The following SYNE1 variants were observed in gnomAD, a reference collection of about 807,000 sequenced individuals.
SYNE1 encodes the protein nesprin-1.
A neutral mutation model predicts 1,111.0 loss-of-function variants in SYNE1; 616 were observed. That is an observed-to-expected ratio of 0.55 (90% CI 0.52 to 0.59). The LOEUF (loss-of-function observed/expected upper bound fraction) is 0.59, where lower values mean the gene tolerates loss of function less well. Among genes scored for constraint, SYNE1 ranks in the 20% least tolerant of loss-of-function variants. The probability of loss-of-function intolerance (pLI) is 0.00; values close to 1 mark genes in which losing one functional copy is unlikely to be tolerated. For missense variants in SYNE1, 10,006 were observed against 10,417.0 expected (o/e 0.96, Z 1.72); for synonymous variants, 3,855 against 3,825.8 (o/e 1.01, Z -0.28).
intron 75 of SYNE1, among the ~76,000 whole-genome samples, chr6:152,338,332 C>G (rs538147882): frequency 6.6e-6 from 1 of 151,982 alleles, no homozygotes; most frequent in Non-Finnish European, 1.5e-5. Context: ...CTTTTAAACT[C>G]AAGTGTGGGC....
At chr6:152,278,635 T>G (rs1308890387) in intron 97 of SYNE1, among the ~76,000 whole-genome samples, 1 of 152,070 alleles carries the variant, frequency 6.6e-6, no homozygotes, top group African/African-American at 2.4e-5. Context: ...GCTACTGTTT[T>G]GTTTTTTAGT....
rs1466284124 is a variant in SYNE1, at chr6:152,447,895, A to T, written c.3505-273T>A. 1.8e-4 allele frequency among the ~76,000 whole-genome samples: 27 copies of T among 152,238 alleles called. 1 individual carries two copies. Among genetic ancestry groups the T allele is most frequent in the Admixed American group, 1.8e-3 (27 of 15,280 alleles). On this transcript the variant is annotated intron_variant, in intron 28 of 145. Transcript: ENST00000367255. ...TATGTCCTTGATGGGAAAAAAGATG[A>T]TTCTAAAAATACTGTAGAAAAATAT... is the stretch of plus-strand genomic sequence containing the variant.
At position 152,149,595 on chromosome 6, in the gene SYNE1, T is replaced by G; in HGVS notation, c.24524A>C (p.Glu8175Ala). 1 of 1,614,208 alleles carries G rather than the reference T, an allele frequency of 6.2e-7. No homozygotes were observed. The highest frequency in any genetic ancestry group is 2.2e-5 in the East Asian group (1 of 44,880). Residue 8175 changes from glutamate to alanine, a missense_variant, in exon 136 of 146, where the codon GAA becomes GCA. Transcript: ENST00000367255. ...CGCTGCATCCAAGGGCTCACTCTTT[T>G]CTATCAGCTGTTCTCCTTGGGCAAT... Reference protein sequence around the residue: ...QIIAQGEQLIEKSEPLDAAII... With the variant: ...QIIAQGEQLIAKSEPLDAAII...
intron 63 of SYNE1, among the ~76,000 whole-genome samples, chr6:152,363,276 C>T (rs183672648): frequency 9.4e-5 from 14 of 148,346 alleles, no homozygotes; most frequent in East Asian, 2.1e-4. Flanking sequence ...GGGTGGATCA[C>T]GAGGTCAGGA....
chr6:152,568,234 T>C (rs2099424158), intron 3 of SYNE1, among the ~76,000 whole-genome samples: 1 of 149,630 alleles, frequency 6.7e-6, no homozygotes, highest in Non-Finnish European at 1.5e-5. Flanking sequence ...AGGCAAAGAG[T>C]ATAGTGGGAA....
chr6:152,617,751 C>T (rs777084512), intron 3 of SYNE1, among the ~76,000 whole-genome samples: 7 of 152,118 alleles, frequency 4.6e-5, no homozygotes, highest in Non-Finnish European at 7.4e-5. Context: ...AAGTAGAGTA[C>T]AAACGAGGAA....
intron 3 of SYNE1, among the ~76,000 whole-genome samples, chr6:152,618,935 A>G (rs766397366): frequency 2.0e-5 from 3 of 152,168 alleles, no homozygotes; most frequent in Non-Finnish European, 4.4e-5. Context: ...ATTACTACTT[A>G]TGATTAACTG....
chr6:152,482,484 T>G (rs1252697454), intron 14 of SYNE1, among the ~76,000 whole-genome samples: 1 of 152,180 alleles, frequency 6.6e-6, no homozygotes, highest in South Asian at 2.1e-4. Flanking sequence ...AAATGCAAGA[T>G]TGCATTAATG....
At chr6:152,145,085 G>A (rs999094593) in intron 137 of SYNE1, 2 of 296,702 alleles carry the variant, frequency 6.7e-6, no homozygotes, top group Admixed American at 4.7e-5. Flanking sequence ...GCAGGCTGGC[G>A]GACTTGGGAC....
chr6:152,261,869 A>C (rs2092044998), intron 101 of SYNE1, among the ~76,000 whole-genome samples, 163 bp downstream of exon 101: 1 of 152,224 alleles, frequency 6.6e-6, no homozygotes, highest in South Asian at 2.1e-4. Flanking sequence ...TATGAAGGGA[A>C]ATGTGAAATA....
chr6:152,133,396 G>GT lies in SYNE1; in HGVS notation c.25880dup (p.Asp8627GlufsTer39). The GT allele has an allele frequency of 6.2e-7, 1 of 1,614,166 alleles. No individual in the cohort carries two copies. The highest frequency in any genetic ancestry group is 1.1e-5 in the South Asian group (1 of 91,084). Reference sequence around the variant, plus strand: ...GGACTTTTTCTTTGGCTTCTAAACAGTCTGTTCCTTCAGCATTCACCAGTA... The same window carrying GT: ...GGACTTTTTCTTTGGCTTCTAAACAGTTCTGTTCCTTCAGCATTCACCAGTA... On this transcript the variant is annotated frameshift_variant, in exon 143 of 146. Transcript: ENST00000367255. LOFTEE classifies it high-confidence loss of function.
chr6:152,304,525 T>C (rs573592838), intron 91 of SYNE1, among the ~76,000 whole-genome samples: 12 of 151,974 alleles, frequency 7.9e-5, no homozygotes, highest in African/African-American at 2.9e-4. Flanking sequence ...AGTAGGGACA[T>C]GTTGGCCAAG....
At chr6:152,128,105 C>T (rs2054158477) in intron 145 of SYNE1, 1 of 152,148 alleles carries the variant, frequency 6.6e-6, no homozygotes, top group Admixed American at 6.5e-5. Flanking sequence ...ATCTTTCTAG[C>T]TGTCAATTTC....
At chr6:152,540,898 CA>C (rs1410967283) in intron 3 of SYNE1, among the ~76,000 whole-genome samples, 1 of 152,110 alleles carries the variant, frequency 6.6e-6, no homozygotes, top group Non-Finnish European at 1.5e-5. Context: ...TGACAGAGCC[CA>C]AAAGTGGATT....
At chr6:152,129,790 C>T (rs968665735) in intron 145 of SYNE1, among the ~76,000 whole-genome samples, 3 of 152,202 alleles carry the variant, frequency 2.0e-5, no homozygotes, top group East Asian at 1.9e-4. Context: ...CCCCACCCTC[C>T]TTCCAGGAAT....
intron 5 of SYNE1, among the ~76,000 whole-genome samples, chr6:152,525,453 C>T (rs530838420): frequency 7.2e-5 from 11 of 152,248 alleles, no homozygotes; most frequent in Non-Finnish European, 1.2e-4. Context: ...TAATGCTCTA[C>T]TACTCTGAAA....
rs141796889 is a variant in SYNE1 at position 152,419,649 on chromosome 6, T to A, written c.5341A>T (p.Ile1781Phe). The change falls in exon 40 of 146, where the codon ATT (isoleucine) becomes TTT (phenylalanine). Residue 1781 changes from isoleucine (I) to phenylalanine (F), a missense_variant. Coordinates refer to ENST00000367255, the MANE Select transcript of SYNE1 (RefSeq NM_182961.4). The stretch of plus-strand genomic sequence containing the variant: ...TGTAATTCACTGAGAAACAGTTTAA[T>A]CCAGACAGAAAAGGAAAGCAGCAGC... ...DELLLSFSVW[I>F]KLFLSELQTT... The A allele has an allele frequency of 2.0e-3, 3,238 of 1,613,960 alleles. 65 individuals are homozygous for A. The highest frequency in any genetic ancestry group is 1.6e-4 in the Non-Finnish European group (190 of 1,179,978).
chr6:152,529,622 C>CA (rs1377584451), intron 4 of SYNE1, among the ~76,000 whole-genome samples: 2 of 152,094 alleles, frequency 1.3e-5, no homozygotes, highest in Middle Eastern at 3.2e-3. Flanking sequence ...CTTATGACAG[C>CA]AAAAAGATAC....
chr6:152,627,310 T>C lies in SYNE1; in HGVS notation c.67+955A>G, dbSNP rs142369301. On this transcript the variant is annotated intron_variant, in intron 3 of 145. Transcript: ENST00000367255. ...AAAGAAAATTGACAATTAGAATCTG[T>C]TCACCTATGAGTTTCTATAGTATTT... 3.0e-3 allele frequency among the ~76,000 whole-genome samples: 463 copies of C among 152,294 alleles called. 3 individuals are homozygous for C. The highest frequency in any genetic ancestry group is 0.011 in the African/African-American group (444 of 41,548).
Sources: gnomAD v4.1 joint callset for allele counts (sites outside exome capture counted in the v4.1 genomes callset) on GRCh38, gnomAD v4.1.1 for gene constraint, MANE v1.5 for transcripts, NCBI Gene and HGNC (gene_info 2026-07-23, HGNC 2026-07-21) for gene names.